Variants in DNAH9 observed in about 807,000 individuals in gnomAD.
The protein encoded by DNAH9 is dynein axonemal heavy chain 9.
A neutral mutation model predicts 471.6 loss-of-function variants in DNAH9; 345 were observed. The ratio of observed to expected loss-of-function variants is 0.73; its 90% confidence interval spans 0.67 to 0.80. The LOEUF (loss-of-function observed/expected upper bound fraction) is 0.80, where lower values mean the gene tolerates loss of function less well. Among genes scored for constraint, DNAH9 ranks in the 30% least tolerant of loss-of-function variants. The pLI, the probability that DNAH9 is intolerant of heterozygous loss-of-function variation, is 0.00. For missense variants in DNAH9, 5,407 were observed against 5,609.2 expected, an observed-to-expected ratio of 0.96 and a Z score of 1.15; for synonymous variants, 2,093 against 2,123.6, an observed-to-expected ratio of 0.99 and a Z score of 0.40.
At chr17:11,960,435 T>TAAGAAAAAAAAAAAAAAAAAAAAAAAAAA (rs1976004844) in intron 67 of DNAH9, among the ~76,000 whole-genome samples, 1 of 54,060 alleles carries the variant, frequency 1.8e-5, no homozygotes, top group Admixed American at 2.8e-4. Flanking sequence ...GACTCTGTCT[T>TAAGAAAAAAAAAAAAAAAAAAAAAAAAAA]AAAAAAAAAA....
intron 50 of DNAH9, among the ~76,000 whole-genome samples, chr17:11,855,207 T>G (rs1251428983): frequency 6.6e-6 from 1 of 152,070 alleles, no homozygotes; most frequent in African/African-American, 2.4e-5. Context: ...CAGCCCAGAA[T>G]CCAGCTTCAA....
At chr17:11,783,359 T>G (rs1173147309) in intron 39 of DNAH9, among the ~76,000 whole-genome samples, 1 of 152,200 alleles carries the variant, frequency 6.6e-6, no homozygotes, top group Admixed American at 6.5e-5. Flanking sequence ...TCTCTTCTTT[T>G]GAGAACACTG....
At chr17:11,964,578 T>C (rs764795177) in intron 68 of DNAH9, among the ~76,000 whole-genome samples, 35 of 152,140 alleles carry the variant, frequency 2.3e-4, no homozygotes, top group Non-Finnish European at 4.1e-4. Flanking sequence ...AATGAGAACA[T>C]TCACAAAAAC....
At chr17:11,907,736 C>T (rs181058118) in intron 61 of DNAH9, among the ~76,000 whole-genome samples, 162 of 152,086 alleles carry the variant, frequency 1.1e-3, no homozygotes, top group African/African-American at 3.7e-3. Context: ...CCCTAAAGAA[C>T]GAATAAGATG....
chr17:11,781,177 A>G lies in DNAH9; in HGVS notation c.7718+3A>G. ...CAGCATCTGGACTATGGCCACTGGT[A>G]AGAGCGCCCATGTAGAGGGACTGGC... On this transcript the variant is annotated splice_donor_region_variant and intron_variant, in intron 39 of 68. Coordinates refer to ENST00000262442, the MANE Select transcript of DNAH9 (RefSeq NM_001372.4). 2 of 1,613,564 alleles carry G rather than the reference A, an allele frequency of 1.2e-6. No homozygotes were observed. Among genetic ancestry groups the G allele is most frequent in the African/African-American group, 2.7e-5 (2 of 75,074 alleles).
intron 22 of DNAH9, among the ~76,000 whole-genome samples, chr17:11,696,175 A>T (rs2074473108): frequency 6.6e-6 from 1 of 152,176 alleles, no homozygotes; most frequent in African/African-American, 2.4e-5. Context: ...GCACATTTAC[A>T]TTCATGCATG....
At chr17:11,748,252 G>A (rs1224627484) in intron 32 of DNAH9, among the ~76,000 whole-genome samples, 2 of 152,070 alleles carry the variant, frequency 1.3e-5, no homozygotes, top group Admixed American at 6.5e-5. Context: ...GCTTGAACCC[G>A]GGTGGTGGAG....
Position 11,822,850 on chromosome 17 carries a change from G to A in DNAH9, c.9062G>A (p.Ser3021Asn). Reference sequence around the variant, plus strand: ...AAATTCATGGCCTTTGTCCACACAAGTGTCAACCAAACATCCCAGTCTTAT... The same window carrying A: ...AAATTCATGGCCTTTGTCCACACAAATGTCAACCAAACATCCCAGTCTTAT... ...ISKFMAFVHT[S>N]VNQTSQSYLS... The change falls in exon 48 of 69, where the codon AGT becomes AAT. Residue 3021 changes from serine to asparagine, a missense_variant. Coordinates refer to ENST00000262442, the MANE Select transcript of DNAH9 (RefSeq NM_001372.4). 1.2e-6 allele frequency: 2 copies of A among 1,614,222 alleles called. No homozygotes were observed. Among genetic ancestry groups the A allele is most frequent in the South Asian group, 2.2e-5 (2 of 91,086 alleles).
chr17:11,929,765 T>G, intron 62 of DNAH9, 101 bp from the exon 63 acceptor site: 1 of 960,386 alleles, frequency 1.0e-6, no homozygotes, highest in Non-Finnish European at 1.5e-6. Flanking sequence ...TATGTGATGC[T>G]AAGACCAGTC....
intron 41 of DNAH9, among the ~76,000 whole-genome samples, chr17:11,791,209 T>C (rs1174651539): frequency 6.6e-6 from 1 of 152,218 alleles, no homozygotes; most frequent in Non-Finnish European, 1.5e-5. Context: ...TAGGAGTGTC[T>C]TGGATTTCTA....
Position 11,598,870 on chromosome 17 carries a change from C to T in DNAH9, c.372C>T (p.Asp124=), listed in dbSNP as rs867161120. ...TCCGCGGCGCAGTGGTCTGCGGGGA[C>T]CTGCCCGCGGCACCTCTGGAGCACC... ...DSFRGAVVCG[D]LPAAPLEHLA... is the part of the protein sequence containing the mutation. The change falls in exon 1 of 69, where the codon GAC becomes GAT. Residue 124 remains aspartate (D), a synonymous_variant. Coordinates refer to ENST00000262442, the MANE Select transcript of DNAH9 (RefSeq NM_001372.4). The T allele has an allele frequency of 1.9e-6, 3 of 1,543,224 alleles. No homozygotes were observed. Among genetic ancestry groups the T allele is most frequent in the Non-Finnish European group, 2.6e-6 (3 of 1,151,122 alleles).
In DNAH9 at chr17:11,705,188, G is replaced by A. The variant is rs2074678244; in HGVS notation, c.5552+3G>A. ...GTGATCACACCTTTGACTGACAGGT[G>A]AGCACTGGTGTCAACCACTGACAGC... On this transcript the variant is annotated splice_donor_region_variant and intron_variant, in intron 26 of 68. Transcript: ENST00000262442. 3 of 1,613,750 alleles carry A rather than the reference G, an allele frequency of 1.9e-6. No individual in the cohort carries two copies. The highest frequency in any genetic ancestry group is 8.5e-7 in the Non-Finnish European group (1 of 1,179,724).
At chr17:11,641,981 G>T (rs183858550) in intron 10 of DNAH9, among the ~76,000 whole-genome samples, 1 of 152,264 alleles carries the variant, frequency 6.6e-6, no homozygotes. Context: ...ACATCAGCTG[G>T]TAGGATGTGG....
At chr17:11,879,094 C>T (rs1972617646) in intron 53 of DNAH9, among the ~76,000 whole-genome samples, 1 of 151,950 alleles carries the variant, frequency 6.6e-6, no homozygotes, top group Admixed American at 6.6e-5. Flanking sequence ...GTATCTAATA[C>T]TACACCAGCT....
intron 11 of DNAH9, 77 bp downstream of exon 11, chr17:11,644,776 C>A: frequency 1.0e-6 from 1 of 968,520 alleles, no homozygotes; most frequent in Non-Finnish European, 1.6e-6. Flanking sequence ...CGAGTTTGTG[C>A]AGATTCCTCA....
chr17:11,871,415 G>A (rs1415075313), intron 51 of DNAH9, among the ~76,000 whole-genome samples, 183 bp from the exon 52 acceptor site: 2 of 152,202 alleles, frequency 1.3e-5, no homozygotes, highest in African/African-American at 2.4e-5. Context: ...CAGAATGGGG[G>A]CTTGTGTACT....
In DNAH9 at chr17:11,755,875, C is replaced by T. The variant is rs565007421; in HGVS notation, c.6739-693C>T. Among the ~76,000 whole-genome samples the T allele has an allele frequency of 9.9e-5, 15 of 152,262 alleles. No homozygotes were observed. The East Asian group carries it at 2.9e-3, about 29-fold the overall frequency. Reference sequence around the variant, plus strand: ...AAGAAAAAGAGGTTTAATGAACTGACAGTTCCACGTAAATGAGGAAGCCTC... The same window carrying T: ...AAGAAAAAGAGGTTTAATGAACTGATAGTTCCACGTAAATGAGGAAGCCTC... On this transcript the variant is annotated intron_variant, in intron 33 of 68. Coordinates refer to ENST00000262442, the MANE Select transcript of DNAH9 (RefSeq NM_001372.4).
rs1230500094 is a variant in DNAH9, at chr17:11,807,728, T to C, written c.8421-4T>C. 2 of 1,602,806 alleles carry C rather than the reference T, an allele frequency of 1.2e-6. No individual in the cohort carries two copies. The highest frequency in any genetic ancestry group is 2.2e-5 in the South Asian group (2 of 90,634). On this transcript the variant is annotated splice_polypyrimidine_tract_variant and splice_region_variant and intron_variant, in intron 43 of 68. Transcript: ENST00000262442. ...GCAACATGTGCCTGCTTCCTTCTCTTTAGCTGCCATATCAATCGCATCTTG... is the reference window on the plus strand; with the variant it reads ...GCAACATGTGCCTGCTTCCTTCTCTCTAGCTGCCATATCAATCGCATCTTG...
At chr17:11,807,544 A>G (rs1168229852) in intron 43 of DNAH9, among the ~76,000 whole-genome samples, 188 bp from the exon 44 acceptor site, 1 of 152,140 alleles carries the variant, frequency 6.6e-6, no homozygotes, top group East Asian at 1.9e-4. Flanking sequence ...AGGCAAAGCA[A>G]TGGCAGCTTC....
Sources: gnomAD v4.1 joint callset for allele counts (sites outside exome capture counted in the v4.1 genomes callset) on GRCh38, gnomAD v4.1.1 for gene constraint, MANE v1.5 for transcripts, NCBI Gene and HGNC (gene_info 2026-07-23, HGNC 2026-07-21) for gene names.